Variants in ZNF44 observed in about 807,000 individuals in gnomAD.
The protein encoded by ZNF44 is zinc finger protein 44.
Under a neutral mutation model 11.7 loss-of-function variants are expected in ZNF44, and 9 were observed. The observed-to-expected ratio is 0.77, with a 90% CI of 0.46 to 1.35. The LOEUF (loss-of-function observed/expected upper bound fraction) is 1.35. ZNF44 is among the 40% of genes most tolerant of loss of function. The probability of loss-of-function intolerance (pLI) is 0.00; values close to 1 mark genes in which losing one functional copy is unlikely to be tolerated. For missense variants in ZNF44, 696 were observed against 743.1 expected (o/e 0.94, Z 0.74); for synonymous variants, 224 against 242.7 (o/e 0.92, Z 0.72).
At chr19:12,246,918 G>A (rs1371490927), downstream of ZNF44, among the ~76,000 whole-genome samples, 3 of 151,712 alleles carry the variant, frequency 2.0e-5, no homozygotes, top group East Asian at 5.8e-4. Context: ...TATAATCCCA[G>A]CACTTTGCTG....
rs549729795 is a variant in ZNF44 at position 12,272,178 on chromosome 19, G to T, written c.*229C>A. Reference sequence around the variant, plus strand: ...TGCCTGGCTATTTTTTTTTTTTTCCGTATTTTTAGTAGAGACAGGGTTTCC... The same window carrying T: ...TGCCTGGCTATTTTTTTTTTTTTCCTTATTTTTAGTAGAGACAGGGTTTCC... On this transcript the variant is annotated 3_prime_UTR_variant, in exon 4 of 4. Transcript: ENST00000355684. The T allele has an allele frequency of 6.5e-5, 33 of 504,390 alleles. No homozygotes were observed. The Admixed American group carries it at 9.2e-4, about 14-fold the overall frequency. 31.2% of individuals were successfully genotyped at this position (504,390 alleles called of 1,614,324 possible). A position where few individuals can be genotyped will look rare whatever the true frequency, so the allele number is the denominator to read the frequency against.
At chr19:12,284,311 T>C (rs1482882102) in intron 1 of ZNF44, 3 of 483,656 alleles carry the variant, frequency 6.2e-6, no homozygotes, top group African/African-American at 2.0e-5. Context: ...TTAAAAGGTA[T>C]AGCTTCTTCT....
chr19:12,254,737 AAATAAT>A (rs149883732), intron 5 of ZNF44, among the ~76,000 whole-genome samples: 20,676 of 151,328 alleles, frequency 0.14, 1,488 homozygotes, highest in African/African-American at 0.17. Flanking sequence ...TCCATCTCAA[AAATAAT>A]AATAATAATA....
At chr19:12,238,645 A>C (rs1027310800), upstream of ZNF44, among the ~76,000 whole-genome samples, 4 of 147,028 alleles carry the variant, frequency 2.7e-5, no homozygotes, top group East Asian at 7.8e-4. Context: ...AAAAAAAAAA[A>C]AATAGCTGGG....
In ZNF44 at chr19:12,259,719, G is replaced by T. The variant is rs543704373; in HGVS notation, c.1913-9351C>A. ...CTCCCCTACGGCAATGGTTGCTCTAGAAGGTTTAAGAACCCCAGGTTTAAG... is the reference window on the plus strand; with the variant it reads ...CTCCCCTACGGCAATGGTTGCTCTATAAGGTTTAAGAACCCCAGGTTTAAG... On this transcript the variant is annotated intron_variant and NMD_transcript_variant, in intron 5 of 7. Coordinates refer to the ZNF44 transcript ENST00000393337. Among the ~76,000 whole-genome samples the T allele has an allele frequency of 2.0e-5, 3 of 152,278 alleles. No individual in the cohort carries two copies. In the East Asian group the frequency reaches 5.8e-4, roughly 29 times the overall value.
downstream of ZNF44, among the ~76,000 whole-genome samples, chr19:12,267,246 G>A (rs1917771391): frequency 6.6e-6 from 1 of 151,908 alleles, no homozygotes; most frequent in African/African-American, 2.4e-5. Context: ...GTTTCACCTT[G>A]TTGGTCAGGC....
chr19:12,260,299 G>A, intron 5 of ZNF44: 3 of 848,410 alleles, frequency 3.5e-6, no homozygotes, highest in Non-Finnish European at 2.0e-6. Flanking sequence ...GAGGACAAAG[G>A]TGTGGTGGTG....
chr19:12,276,340 A>ATT (rs1798164563), intron 1 of ZNF44, among the ~76,000 whole-genome samples: 1 of 152,186 alleles, frequency 6.6e-6, no homozygotes, highest in Non-Finnish European at 1.5e-5. Flanking sequence ...TATTGCCTGG[A>ATT]TTACTCCTAA....
intron 1 of ZNF44, chr19:12,285,083 A>G (rs1967673381): frequency 1.5e-6 from 1 of 659,996 alleles, no homozygotes; most frequent in South Asian, 1.8e-5. Context: ...AGGAGACTGT[A>G]TTCACCAAGT....
exon 6 of ZNF44, chr19:12,250,265 G>T: frequency 7.3e-7 from 1 of 1,365,030 alleles, no homozygotes; most frequent in Non-Finnish European, 9.8e-7. Flanking sequence ...GTTCCTGAAG[G>T]TTTCCCACAT....
intron 5 of ZNF44, chr19:12,266,305 C>A: frequency 2.0e-6 from 2 of 985,430 alleles, no homozygotes; most frequent in Non-Finnish European, 2.4e-6. Flanking sequence ...GTCCCAGCAT[C>A]CTCCTGATGG....
intron 1 of ZNF44, chr19:12,284,444 G>GGGCCGC (rs1429266468): frequency 1.9e-5 from 12 of 637,748 alleles, no homozygotes; most frequent in Non-Finnish European, 2.9e-5. Context: ...TCCGGGGCCG[G>GGGCCGC]GGCCGCGGAG....
chr19:12,257,727 G>A (rs1291864317), intron 5 of ZNF44, among the ~76,000 whole-genome samples: 1 of 150,644 alleles, frequency 6.6e-6, no homozygotes, highest in Non-Finnish European at 1.5e-5. Context: ...TTTGAAACCG[G>A]ATGATGGAGG....
chr19:12,269,524 A>AAAAAT (rs112580056), downstream of ZNF44, among the ~76,000 whole-genome samples: 27,728 of 151,052 alleles, frequency 0.18, 2,631 homozygotes, highest in East Asian at 0.27. Flanking sequence ...CTCCATCTCA[A>AAAAAT]AAAATAAAAT....
chr19:12,284,556 T>C (rs1967642774), intron 1 of ZNF44: 2 of 713,136 alleles, frequency 2.8e-6, no homozygotes, highest in Admixed American at 1.8e-5. Context: ...GATCTATCTC[T>C]TCTCCCTGCC....
chr19:12,292,877 T>G (rs1968075005), intron 1 of ZNF44, among the ~76,000 whole-genome samples: 1 of 148,990 alleles, frequency 6.7e-6, no homozygotes, highest in Non-Finnish European at 1.5e-5. Context: ...TTTTTTTTTT[T>G]TTTGAGACAG....
At chr19:12,262,241 T>C (rs1439460445) in intron 5 of ZNF44, among the ~76,000 whole-genome samples, 1 of 152,196 alleles carries the variant, frequency 6.6e-6, no homozygotes, top group Non-Finnish European at 1.5e-5. Flanking sequence ...ATTTTCATCT[T>C]ATCAATTAAA....
In ZNF44 at chr19:12,291,962, A is replaced by G. The variant is rs1968024788; in HGVS notation, c.3+2730T>C. Among the ~76,000 whole-genome samples the G allele has an allele frequency of 4.0e-5, 6 of 151,746 alleles. No individual in the cohort carries two copies. In the South Asian group the frequency reaches 1.2e-3, roughly 32 times the overall value. ...AACCAAGATAGTACCATTGCACTCC[A>G]GCCTGGGCAATATAGTGAAACTCCA... is the stretch of plus-strand genomic sequence containing the variant. On this transcript the variant is annotated intron_variant, in intron 1 of 3. Coordinates refer to ENST00000355684, the MANE Select transcript of ZNF44 (RefSeq NM_016264.4).
In ZNF44 at chr19:12,274,020, G is replaced by T; in HGVS notation, c.235C>A (p.Gln79Lys). 1 of 1,613,608 alleles carries T rather than the reference G, an allele frequency of 6.2e-7. No homozygotes were observed. Residue 79 changes from glutamine to lysine, a missense_variant, in exon 4 of 4, where the codon CAG becomes AAG. Transcript: ENST00000355684. ...ATCTGGCTTAAGGTTTCTCCACACT[G>T]ACTACCATCTTTACTTTTACCAAAT... ...ERFGKSKDGS[Q>K]CGETLSQIRN...
Sources: gnomAD v4.1 joint callset for allele counts (sites outside exome capture counted in the v4.1 genomes callset) on GRCh38, gnomAD v4.1.1 for gene constraint, MANE v1.5 for transcripts, NCBI Gene and HGNC (gene_info 2026-07-23, HGNC 2026-07-21) for gene names.